The following SEC61A2 variants were observed in gnomAD, a reference collection of about 807,000 sequenced individuals.
SEC61A2 encodes the protein protein transport protein Sec61 subunit alpha isoform 2.
Under a neutral mutation model 59.9 loss-of-function variants are expected in SEC61A2, and 28 were observed. The ratio of observed to expected loss-of-function variants is 0.47; its 90% CI spans 0.35 to 0.64. SEC61A2 has a LOEUF of 0.64. SEC61A2 is among the 30% of genes least tolerant of loss of function. The pLI is 0.01. For synonymous variants in SEC61A2, 202 were observed against 214.4 expected (o/e 0.94, Z 0.50); for missense variants, 340 against 585.9 (o/e 0.58, Z 4.33).
chr10:12,137,043 GGCGTGAGCCA>G (rs1208715471), intron 3 of SEC61A2, among the ~76,000 whole-genome samples: 4 of 152,096 alleles, frequency 2.6e-5, no homozygotes, highest in African/African-American at 9.7e-5. Flanking sequence ...TGGGATTACA[GGCGTGAGCCA>G]CCACACCCTT....
chr10:12,151,337 C>CA (rs2131669885), intron 6 of SEC61A2, among the ~76,000 whole-genome samples: 2 of 145,484 alleles, frequency 1.4e-5, no homozygotes, highest in Admixed American at 1.4e-4. Flanking sequence ...TTTTGAGACA[C>CA]AGTCTTGCTG....
At position 12,153,936 on chromosome 10, in the gene SEC61A2, T is replaced by A; in HGVS notation, c.463-1842T>A. ...AGAAATCTACATAGCAGGTCTTGAC[T>A]AAAAATTTTAAAAAACTATTAGAGA... is the stretch of plus-strand genomic sequence containing the variant. On this transcript the variant is annotated intron_variant, in intron 6 of 11. Coordinates refer to ENST00000298428, the MANE Select transcript of SEC61A2 (RefSeq NM_018144.4). This position sits in a 1 kb window ranked among gnomAD's most constrained non-coding sequence, Gnocchi z 5.2. 1 of 783,190 alleles carries A rather than the reference T, an allele frequency of 1.3e-6. No individual in the cohort carries two copies. The highest frequency in any genetic ancestry group is 1.9e-6 in the Non-Finnish European group (1 of 525,616). 48.5% of individuals were successfully genotyped at this position (783,190 alleles called of 1,614,324 possible). A position where few individuals can be genotyped will look rare whatever the true frequency, so the allele number is the denominator to read the frequency against.
At chr10:12,163,124 T>A (rs1305138790) in intron 11 of SEC61A2, among the ~76,000 whole-genome samples, 1 of 152,060 alleles carries the variant, frequency 6.6e-6, no homozygotes, top group Non-Finnish European at 1.5e-5. Flanking sequence ...CCACCAGCAG[T>A]GTATGAGGTT....
intron 1 of SEC61A2, 130 bp from the exon 2 acceptor site, chr10:12,133,111 G>T: frequency 1.8e-6 from 1 of 554,594 alleles, no homozygotes; most frequent in East Asian, 3.0e-5. Flanking sequence ...ACAGTATGAT[G>T]ATTTAATTTG....
At chr10:12,135,138 C>T (rs142975041) in intron 2 of SEC61A2, among the ~76,000 whole-genome samples, 55 of 122,512 alleles carry the variant, frequency 4.5e-4, no homozygotes, top group Non-Finnish European at 8.3e-4. Context: ...GAACATCACA[C>T]AGGGGCCTGT....
rs776906144 is a variant in SEC61A2 at position 12,161,474 on chromosome 10, G to T, written c.1167+353G>T. On this transcript the variant is annotated intron_variant, in intron 10 of 11. Coordinates refer to ENST00000298428, the MANE Select transcript of SEC61A2 (RefSeq NM_018144.4). The surrounding 1 kb of genome is among the most constrained non-coding windows in gnomAD (Gnocchi z 5.4). The stretch of plus-strand genomic sequence containing the variant: ...AAAAATAAAAAAGGCCAGGCGCAGT[G>T]GTTCACGCCTGTAATCCCAGCACTT... Among the ~76,000 whole-genome samples the T allele has an allele frequency of 6.6e-6, 1 of 152,114 alleles. No homozygotes were observed. Among genetic ancestry groups the T allele is most frequent in the Non-Finnish European group, 1.5e-5 (1 of 68,024 alleles).
chr10:12,165,473 AAAGTCAAAT>A, downstream of SEC61A2: 1 of 551,700 alleles, frequency 1.8e-6, no homozygotes, highest in Non-Finnish European at 2.3e-6. Flanking sequence ...GATGCCTGTA[AAAGTCAAAT>A]GTAATTACAC....
Position 12,149,787 on chromosome 10 carries a change from T to G in SEC61A2, c.352+61T>G. 1.9e-6 allele frequency: 3 copies of G among 1,606,046 alleles called. No homozygotes were observed. In the Admixed American group the frequency reaches 5.1e-5, roughly 27 times the overall value. On this transcript the variant is annotated intron_variant, in intron 5 of 11. Coordinates refer to ENST00000298428, the MANE Select transcript of SEC61A2 (RefSeq NM_018144.4). The surrounding 1 kb of genome is among the most constrained non-coding windows in gnomAD (Gnocchi z 5.2). The stretch of plus-strand genomic sequence containing the variant: ...TTTGAGAGTGCTCGTGGTAAAGATG[T>G]TTTCTCTAGTCTTTTCTTGTCTTTG...
In SEC61A2 at chr10:12,164,115, C is replaced by T. The variant is rs1467483202; in HGVS notation, c.1245-153C>T. On this transcript the variant is annotated intron_variant, in intron 11 of 11. Transcript: ENST00000298428. This position sits in a 1 kb window ranked among gnomAD's most constrained non-coding sequence, Gnocchi z 7.3. ...AGAGCTCCTGTTCCCATGCCGTGCC[C>T]TGCACACCCCTCCACACTGCAGCCT... 6.6e-6 allele frequency among the ~76,000 whole-genome samples: 1 copy of T among 152,224 alleles called. No homozygotes were observed. Among genetic ancestry groups the T allele is most frequent in the East Asian group, 1.9e-4 (1 of 5,192 alleles).
downstream of SEC61A2, chr10:12,167,867 C>T: frequency 6.2e-7 from 1 of 1,605,456 alleles, no homozygotes. Flanking sequence ...GACAAAACAT[C>T]TTATTCAATC....
At chr10:12,136,670 C>T (rs964527368) in intron 3 of SEC61A2, among the ~76,000 whole-genome samples, 1 of 152,046 alleles carries the variant, frequency 6.6e-6, no homozygotes, top group Non-Finnish European at 1.5e-5. Context: ...CACATTGTTG[C>T]CCAGGCTGGA....
rs992547904 is a variant in SEC61A2, at chr10:12,161,186, G to A, written c.1167+65G>A. ...TGCATGGTGGCGCACATCTGTAATCGTAGCACTTTGGCAGGCTGAGGCCGC... is the reference window on the plus strand; with the variant it reads ...TGCATGGTGGCGCACATCTGTAATCATAGCACTTTGGCAGGCTGAGGCCGC... On this transcript the variant is annotated intron_variant, in intron 10 of 11. Transcript: ENST00000298428. This position sits in a 1 kb window ranked among gnomAD's most constrained non-coding sequence, Gnocchi z 5.4. The A allele has an allele frequency of 9.4e-6, 13 of 1,376,774 alleles. No individual in the cohort carries two copies. The highest frequency in any genetic ancestry group is 2.2e-4 in the Middle Eastern group (1 of 4,582). 85.3% of individuals were successfully genotyped at this position (1,376,774 alleles called of 1,614,324 possible).
rs571874714 is a variant in SEC61A2, at chr10:12,129,726, G to A, written c.-62G>A. The A allele has an allele frequency of 1.2e-5, 17 of 1,467,332 alleles. No individual in the cohort carries two copies. In the African/African-American group the frequency reaches 1.8e-4, roughly 15 times the overall value. The allele number at this position is 1,467,332 out of a possible 1,614,324, so 90.9% of individuals were successfully genotyped here. A position where few individuals can be genotyped will look rare whatever the true frequency, so the allele number is the denominator to read the frequency against. Reference sequence around the variant, plus strand: ...GAGCCGGTACCGAGGCCCGAGCCGCGGGAGTCGAGCGAAGGCAGCGCCGAG... The same window carrying A: ...GAGCCGGTACCGAGGCCCGAGCCGCAGGAGTCGAGCGAAGGCAGCGCCGAG... On this transcript the variant is annotated 5_prime_UTR_variant, in exon 1 of 12. Transcript: ENST00000298428. The surrounding 1 kb of genome is among the most constrained non-coding windows in gnomAD (Gnocchi z 5.6).
Position 12,162,497 on chromosome 10 carries a change from A to G in SEC61A2, c.1244+208A>G, listed in dbSNP as rs750577103. The G allele has an allele frequency of 8.6e-5, 63 of 730,270 alleles. 1 individual carries two copies. The highest frequency in any genetic ancestry group is 3.3e-4 in the Admixed American group (19 of 57,560). The allele number at this position is 730,270 out of a possible 1,614,324, so 45.2% of individuals were successfully genotyped here. ...TTGTGAGCACTGCTCTGCTCATCCC[A>G]GTGATAAAATCTTGCAGATCAGTGC... is the stretch of plus-strand genomic sequence containing the variant. On this transcript the variant is annotated intron_variant, in intron 11 of 11. Transcript: ENST00000298428. The surrounding 1 kb of genome is among the most constrained non-coding windows in gnomAD (Gnocchi z 6.1).
Position 12,143,052 on chromosome 10 carries a change from A to T in SEC61A2, c.142-65A>T. On this transcript the variant is annotated intron_variant, in intron 3 of 11. Coordinates refer to ENST00000298428, the MANE Select transcript of SEC61A2 (RefSeq NM_018144.4). This position sits in a 1 kb window ranked among gnomAD's most constrained non-coding sequence, Gnocchi z 4.8. The stretch of plus-strand genomic sequence containing the variant: ...ACTGCAGCCTTTGCCTCCTGGGTTC[A>T]AGCGATTCTTATGCCTCAGCCTTAT... 7.8e-7 allele frequency: 1 copy of T among 1,277,582 alleles called. No individual in the cohort carries two copies. Among genetic ancestry groups the T allele is most frequent in the Non-Finnish European group, 1.1e-6 (1 of 876,278 alleles). The allele number at this position is 1,277,582 out of a possible 1,614,324, so 79.1% of individuals were successfully genotyped here. A position where few individuals can be genotyped will look rare whatever the true frequency, so the allele number is the denominator to read the frequency against.
rs186694939 is a variant in SEC61A2 at position 12,148,125 on chromosome 10, G to C, written c.221-1470G>C. On this transcript the variant is annotated intron_variant, in intron 4 of 11. Transcript: ENST00000298428. The stretch of plus-strand genomic sequence containing the variant: ...CCAGCTAATTTTTGTATTTTTAGTA[G>C]AGACGGGGTTTCACCATATTGGCCA... Among the ~76,000 whole-genome samples, 806 of 151,544 alleles carry C rather than the reference G, an allele frequency of 5.3e-3. 18 individuals carry two copies. The highest frequency in any genetic ancestry group is 0.028 in the East Asian group (145 of 5,142).
chr10:12,162,899 G>A lies in SEC61A2; in HGVS notation c.1244+610G>A, dbSNP rs888036179. 6.6e-6 allele frequency among the ~76,000 whole-genome samples: 1 copy of A among 152,086 alleles called. No individual in the cohort carries two copies. The highest frequency in any genetic ancestry group is 1.5e-5 in the Non-Finnish European group (1 of 68,022). On this transcript the variant is annotated intron_variant, in intron 11 of 11. Transcript: ENST00000298428. This position sits in a 1 kb window ranked among gnomAD's most constrained non-coding sequence, Gnocchi z 6.1. ...GGAATCATATAATGTATGTTATTTTGTAAGTGGCTTCTTTCACTTGGCATC... is the reference window on the plus strand; with the variant it reads ...GGAATCATATAATGTATGTTATTTTATAAGTGGCTTCTTTCACTTGGCATC...
intron 2 of SEC61A2, among the ~76,000 whole-genome samples, chr10:12,134,030 G>A (rs1312558462): frequency 5.9e-5 from 9 of 151,968 alleles, no homozygotes; most frequent in Admixed American, 3.9e-4. Flanking sequence ...TTTTTGAGAC[G>A]GAGTCTCGCT....
chr10:12,136,220 T>C (rs1409333135), intron 3 of SEC61A2, 50 bp downstream of exon 3: 5 of 1,211,696 alleles, frequency 4.1e-6, no homozygotes, highest in Non-Finnish European at 6.1e-6. Flanking sequence ...TTCTAAGGTT[T>C]TGATTGGTTA....
Sources: gnomAD v4.1 joint callset for allele counts (sites outside exome capture counted in the v4.1 genomes callset) on GRCh38, gnomAD v4.1.1 for gene constraint, Gnocchi (gnomAD v3.1) non-coding constraint, MANE v1.5 for transcripts, NCBI Gene and HGNC (gene_info 2026-07-23, HGNC 2026-07-21) for gene names.